ARHGEF4: variants seen among roughly 807,000 people sequenced by gnomAD.
The protein encoded by ARHGEF4 is APC-stimulated guanine nucleotide exchange factor 1.
Under a neutral mutation model 162.0 loss-of-function variants are expected in ARHGEF4, and 119 were observed. The ratio of observed to expected loss-of-function variants is 0.73; its 90% CI spans 0.63 to 0.86. The LOEUF is 0.86. ARHGEF4 is among the 40% of genes least tolerant of loss of function. The pLI is 0.00. For missense variants in ARHGEF4, 2,488 were observed against 2,456.0 expected (o/e 1.01, Z -0.28); for synonymous variants, 1,014 against 979.9 (o/e 1.03, Z -0.65).
chr2:131,044,207 C>T, intron 11 of ARHGEF4, 92 bp from the exon 12 acceptor site: 1 of 1,533,066 alleles, frequency 6.5e-7, no homozygotes, highest in South Asian at 1.3e-5. Context: ...TCACCAGCAG[C>T]CCCTCCTATG....
intron 1 of ARHGEF4, among the ~76,000 whole-genome samples, chr2:130,846,826 GGA>G (rs1189467537): frequency 6.6e-6 from 1 of 152,134 alleles, no homozygotes; most frequent in Non-Finnish European, 1.5e-5. Flanking sequence ...ACATGAGTCC[GGA>G]GAGTCTTGTT....
chr2:131,021,406 C>T (rs1195917272), intron 4 of ARHGEF4, among the ~76,000 whole-genome samples: 10 of 152,030 alleles, frequency 6.6e-5, no homozygotes, highest in Admixed American at 5.9e-4. Flanking sequence ...ATAAATGGTG[C>T]TGGGAAAACT....
intron 4 of ARHGEF4, among the ~76,000 whole-genome samples, chr2:131,022,106 T>C (rs1191154748): frequency 6.6e-6 from 1 of 152,204 alleles, no homozygotes; most frequent in Admixed American, 6.5e-5. Context: ...TATTAGTCTG[T>C]AGTCTTCTTG....
intron 1 of ARHGEF4, among the ~76,000 whole-genome samples, chr2:130,891,109 C>A (rs1020659865): frequency 1.3e-5 from 2 of 152,126 alleles, no homozygotes; most frequent in Non-Finnish European, 2.9e-5. Context: ...GATTGTGGAA[C>A]AGGAAGCTTT....
Position 131,046,134 on chromosome 2 carries a change from G to C in ARHGEF4, c.5576G>C (p.Arg1859Pro), listed in dbSNP as rs760249838. The change falls in exon 14 of 14, where the codon CGC becomes CCC. Residue 1859 changes from arginine to proline, a missense_variant. Transcript: ENST00000409359. ...QQVLVLAEPR[R>P]KPSTFWHSIS... ...GTCCTGGTGCTGGCGGAGCCCAGGCGCAAGCCATCTACCTTCTGGCACAGC... is the reference window on the plus strand; with the variant it reads ...GTCCTGGTGCTGGCGGAGCCCAGGCCCAAGCCATCTACCTTCTGGCACAGC... 6.2e-7 allele frequency: 1 copy of C among 1,612,920 alleles called. No individual in the cohort carries two copies. Among genetic ancestry groups the C allele is most frequent in the South Asian group, 1.1e-5 (1 of 91,074 alleles).
At chr2:131,014,111 C>G (rs2105338669) in intron 4 of ARHGEF4, among the ~76,000 whole-genome samples, 1 of 152,144 alleles carries the variant, frequency 6.6e-6, no homozygotes, top group South Asian at 2.1e-4. Flanking sequence ...TATTGATTTG[C>G]CAAAACTTGT....
Position 130,914,349 on chromosome 2 carries a change from C to T in ARHGEF4, c.403C>T (p.Pro135Ser). ...TGCAAAGGAAGAACTCGATTTGTCC[C>T]CTAGCTTAGAGGATGACTCTTGCAA... ...LHAKEELDLS[P>S]SLEDDSCKNG... Residue 135 changes from proline to serine, a missense_variant, in exon 2 of 14, where the codon CCT becomes TCT. This residue lies in a region of ARHGEF4 where 171 missense variants were observed against 169.4 expected (regional missense o/e 1.01). Coordinates refer to ENST00000409359, the MANE Select transcript of ARHGEF4 (RefSeq NM_001367493.1). The T allele has an allele frequency of 6.8e-7, 1 of 1,462,594 alleles. No individual in the cohort carries two copies. Among genetic ancestry groups the T allele is most frequent in the Non-Finnish European group, 9.0e-7 (1 of 1,112,342 alleles). 90.6% of individuals were successfully genotyped at this position (1,462,594 alleles called of 1,614,324 possible). A position where few individuals can be genotyped will look rare whatever the true frequency, so the allele number is the denominator to read the frequency against.
intron 1 of ARHGEF4, among the ~76,000 whole-genome samples, chr2:130,851,754 G>A (rs1188347889): frequency 1.3e-5 from 2 of 152,218 alleles, no homozygotes; most frequent in African/African-American, 4.8e-5. Context: ...AACCCTCCCG[G>A]GGCCTCCATG....
At chr2:130,876,446 C>T (rs1362327992) in intron 1 of ARHGEF4, among the ~76,000 whole-genome samples, 1 of 152,186 alleles carries the variant, frequency 6.6e-6, no homozygotes, top group African/African-American at 2.4e-5. Flanking sequence ...GGCTGGAGTG[C>T]AGTGGCGCGA....
At chr2:130,989,975 C>T (rs997226348) in intron 4 of ARHGEF4, among the ~76,000 whole-genome samples, 11 of 152,200 alleles carry the variant, frequency 7.2e-5, no homozygotes, top group Admixed American at 2.0e-4. Context: ...CTCCAGCTTC[C>T]GCTAAGGACC....
chr2:131,043,550 T>C lies in ARHGEF4; in HGVS notation c.5124T>C (p.Phe1708=), dbSNP rs138166797. The change falls in exon 11 of 14, where the codon TTT becomes TTC. Residue 1708 remains phenylalanine (F), a synonymous_variant. Coordinates refer to ENST00000409359, the MANE Select transcript of ARHGEF4 (RefSeq NM_001367493.1). ...PQAKSQQRMF[F]LFDHQLIYCK... is the part of the protein sequence containing the mutation. Reference sequence around the variant, plus strand: ...CCAAAAGCCAGCAGCGAATGTTCTTTCTCTTTGACCACCAGCTCATCTACT... The same window carrying C: ...CCAAAAGCCAGCAGCGAATGTTCTTCCTCTTTGACCACCAGCTCATCTACT... 1.9e-5 allele frequency: 30 copies of C among 1,613,930 alleles called. No homozygotes were observed. In the Middle Eastern group the frequency reaches 6.6e-4, roughly 35 times the overall value.
chr2:130,982,022 G>A (rs998040957), intron 4 of ARHGEF4, among the ~76,000 whole-genome samples: 5 of 151,806 alleles, frequency 3.3e-5, no homozygotes, highest in African/African-American at 4.8e-5. Context: ...TTTTTGAGAT[G>A]GAGTCCTACT....
At chr2:131,029,326 T>C (rs1394767221) in intron 5 of ARHGEF4, among the ~76,000 whole-genome samples, 1 of 152,136 alleles carries the variant, frequency 6.6e-6, no homozygotes, top group African/African-American at 2.4e-5. Flanking sequence ...GCCACTGCAC[T>C]ACAGCCTGGG....
chr2:130,844,788 T>C (rs112811170), intron 1 of ARHGEF4, among the ~76,000 whole-genome samples: 1 of 151,930 alleles, frequency 6.6e-6, no homozygotes, highest in Non-Finnish European at 1.5e-5. Context: ...CCCGCCAACC[T>C]CTATTTTTGT....
Position 131,034,974 on chromosome 2 carries a change from G to A in ARHGEF4, c.4126-3879G>A, listed in dbSNP as rs1424272738. The A allele has an allele frequency of 8.1e-6, 8 of 983,642 alleles. 1 individual carries two copies. Among genetic ancestry groups the A allele is most frequent in the Admixed American group, 1.3e-4 (2 of 15,990 alleles). 60.9% of individuals were successfully genotyped at this position (983,642 alleles called of 1,614,324 possible). ...GCCGCGCGCACGGCGCCGGCTTCGCGGGAGGAGCCCCAGGCCCGCGAGCGC... is the reference window on the plus strand; with the variant it reads ...GCCGCGCGCACGGCGCCGGCTTCGCAGGAGGAGCCCCAGGCCCGCGAGCGC... On this transcript the variant is annotated intron_variant, in intron 5 of 13. Coordinates refer to ENST00000409359, the MANE Select transcript of ARHGEF4 (RefSeq NM_001367493.1).
chr2:130,839,759 G>A (rs984754547), intron 1 of ARHGEF4, among the ~76,000 whole-genome samples: 4 of 152,192 alleles, frequency 2.6e-5, no homozygotes, highest in African/African-American at 4.8e-5. Context: ...TTTTGATTTC[G>A]AGGGTGTATT....
Position 131,040,039 on chromosome 2 carries a change from C to G in ARHGEF4, c.4329C>G (p.Pro1443=). 2 of 1,570,762 alleles carry G rather than the reference C, an allele frequency of 1.3e-6. No homozygotes were observed. Among genetic ancestry groups the G allele is most frequent in the Non-Finnish European group, 1.7e-6 (2 of 1,159,368 alleles). The change falls in exon 7 of 14, where the codon CCC becomes CCG. Residue 1443 remains proline (P), a synonymous_variant. Coordinates refer to ENST00000409359, the MANE Select transcript of ARHGEF4 (RefSeq NM_001367493.1). ...AGCTGAGGGTGAATCAGGACGAGCC[C>G]GCGGATGACGACGCCCCTCTGGCCG... ...FVRLRVNQDE[P]ADDDAPLAGN...
At chr2:130,866,851 C>T (rs553279777) in intron 1 of ARHGEF4, among the ~76,000 whole-genome samples, 2 of 152,192 alleles carry the variant, frequency 1.3e-5, no homozygotes, top group East Asian at 1.9e-4. Context: ...TTGTAATATC[C>T]TTTTTTGATT....
rs1457717271 is a variant in ARHGEF4 at position 131,010,361 on chromosome 2, C to T, written c.3986-17584C>T. Among the ~76,000 whole-genome samples the T allele has an allele frequency of 2.0e-5, 3 of 152,210 alleles. No individual in the cohort carries two copies. The East Asian group carries it at 5.8e-4, about 29-fold the overall frequency. On this transcript the variant is annotated intron_variant, in intron 4 of 13. Coordinates refer to ENST00000409359, the MANE Select transcript of ARHGEF4 (RefSeq NM_001367493.1). The stretch of plus-strand genomic sequence containing the variant: ...GTTTCTGCCTGCTTTAGGTCATTCT[C>T]CAGTGCCATCAGATAGCCGTTTTGT...
Sources: allele counts gnomAD v4.1 joint callset (sites outside exome capture counted in the v4.1 genomes callset), GRCh38; gene constraint gnomAD v4.1.1; regional missense constraint gnomAD v4.1.1; transcripts MANE v1.5; gene names NCBI Gene and HGNC (gene_info 2026-07-23, HGNC 2026-07-21).